The following TSHZ1 variants were observed in gnomAD, a reference collection of about 807,000 sequenced individuals.
TSHZ1 encodes the protein teashirt zinc finger homeobox 1.
In TSHZ1, 12 loss-of-function variants were observed where a neutral mutation model predicts 67.1. That is an observed-to-expected ratio of 0.18 (90% CI 0.11 to 0.29). The LOEUF (loss-of-function observed/expected upper bound fraction) is 0.29, where lower values mean the gene tolerates loss of function less well. Ranked by LOEUF, TSHZ1 falls within the 10% of genes least tolerant of loss-of-function variation. The pLI, the probability that TSHZ1 is intolerant of heterozygous loss-of-function variation, is 1.00. For missense variants in TSHZ1, 1,305 were observed against 1,413.9 expected (o/e 0.92, Z 1.23); for synonymous variants, 632 against 622.4 (o/e 1.02, Z -0.23).
intron 1 of TSHZ1, chr18:75,280,917 GC>G: frequency 1.4e-6 from 1 of 701,184 alleles, no homozygotes; most frequent in Non-Finnish European, 1.8e-6. Flanking sequence ...ATGAGGGAGG[GC>G]CCAGTAGCTC....
intron 1 of TSHZ1, among the ~76,000 whole-genome samples, chr18:75,236,568 T>G (rs1051087384): frequency 2.6e-4 from 40 of 152,096 alleles, no homozygotes; most frequent in African/African-American, 9.7e-4. Flanking sequence ...ATAATAACAA[T>G]AGCTATAACA....
chr18:75,238,525 T>A (rs2122546948), intron 1 of TSHZ1, among the ~76,000 whole-genome samples: 2 of 152,102 alleles, frequency 1.3e-5, no homozygotes, highest in Admixed American at 1.3e-4. Flanking sequence ...TGAGACTAAC[T>A]GAGAAGATCT....
intron 1 of TSHZ1, among the ~76,000 whole-genome samples, chr18:75,270,735 C>T (rs1214495560): frequency 6.6e-6 from 1 of 152,164 alleles, no homozygotes; most frequent in Non-Finnish European, 1.5e-5. Context: ...CATCAAATAT[C>T]CTTTTTTCCT....
intron 1 of TSHZ1, among the ~76,000 whole-genome samples, chr18:75,279,653 T>C (rs2023661249): frequency 6.6e-6 from 1 of 152,228 alleles, no homozygotes; most frequent in African/African-American, 2.4e-5. Context: ...TCTCTGGCAG[T>C]GCGGGGCAGG....
At chr18:75,264,388 C>T (rs947991462) in intron 1 of TSHZ1, among the ~76,000 whole-genome samples, 3 of 152,130 alleles carry the variant, frequency 2.0e-5, no homozygotes, top group Admixed American at 6.6e-5. Context: ...ATTATCTCTG[C>T]CGTTCAGATA....
intron 1 of TSHZ1, among the ~76,000 whole-genome samples, chr18:75,214,674 G>A (rs1334843426): frequency 1.3e-5 from 2 of 152,144 alleles, no homozygotes; most frequent in Admixed American, 1.3e-4. Context: ...TCACAGTGAT[G>A]AGAGAGGAAG....
intron 1 of TSHZ1, among the ~76,000 whole-genome samples, chr18:75,220,609 A>G (rs945407602): frequency 6.6e-6 from 1 of 152,246 alleles, no homozygotes; most frequent in Non-Finnish European, 1.5e-5. Flanking sequence ...CTTACAGTAA[A>G]ATAAAACTAA....
At chr18:75,279,919 A>G (rs1353770408) in intron 1 of TSHZ1, among the ~76,000 whole-genome samples, 1 of 152,236 alleles carries the variant, frequency 6.6e-6, no homozygotes, top group African/African-American at 2.4e-5. Flanking sequence ...TGGCTAGTCC[A>G]TGTTGGCTGA....
chr18:75,234,210 C>A (rs559954328), intron 1 of TSHZ1, among the ~76,000 whole-genome samples: 3 of 152,144 alleles, frequency 2.0e-5, no homozygotes, highest in Admixed American at 2.0e-4. Flanking sequence ...CAGAGAGAAA[C>A]GGGGCAGCCT....
chr18:75,228,729 G>A (rs2022957587), intron 1 of TSHZ1, among the ~76,000 whole-genome samples: 1 of 152,208 alleles, frequency 6.6e-6, no homozygotes. Flanking sequence ...TGGGTATACA[G>A]GATGGTGTAT....
intron 1 of TSHZ1, among the ~76,000 whole-genome samples, chr18:75,277,249 G>A (rs1472653775): frequency 1.3e-5 from 2 of 152,200 alleles, no homozygotes; most frequent in Admixed American, 6.5e-5. Context: ...CTTGGGCTGG[G>A]ATGGGCATAT....
In TSHZ1 at chr18:75,269,118, G is replaced by A. The variant is rs182240967; in HGVS notation, c.41-16330G>A. 5.4e-3 allele frequency among the ~76,000 whole-genome samples: 826 copies of A among 152,290 alleles called. 7 individuals are homozygous for A. Among genetic ancestry groups the A allele is most frequent in the African/African-American group, 0.019 (786 of 41,552 alleles). ...TATTTTATGCTAGAGATTGATAAAA[G>A]AAGTATTTCTGCTCTAATACAGCAG... On this transcript the variant is annotated intron_variant, in intron 1 of 1. Transcript: ENST00000580243.
At chr18:75,224,129 A>G (rs980613875) in intron 1 of TSHZ1, among the ~76,000 whole-genome samples, 1 of 151,696 alleles carries the variant, frequency 6.6e-6, no homozygotes, top group Non-Finnish European at 1.5e-5. Context: ...CCCCAAAACA[A>G]AACATAGATT....
intron 1 of TSHZ1, among the ~76,000 whole-genome samples, chr18:75,213,388 A>G (rs1322302125): frequency 1.3e-5 from 2 of 152,236 alleles, no homozygotes; most frequent in Non-Finnish European, 2.9e-5. Context: ...TAGCCCCCAA[A>G]TAATATAGCT....
At chr18:75,273,950 C>T (rs532682740) in intron 1 of TSHZ1, among the ~76,000 whole-genome samples, 13 of 152,320 alleles carry the variant, frequency 8.5e-5, no homozygotes, top group South Asian at 2.1e-4. Context: ...CACCTGTGTG[C>T]GCACACGCGT....
chr18:75,224,180 A>G (rs188766876), intron 1 of TSHZ1, among the ~76,000 whole-genome samples: 156 of 151,508 alleles, frequency 1.0e-3, no homozygotes, highest in African/African-American at 3.5e-3. Context: ...AACCTAATAG[A>G]TGTTTTACAC....
intron 1 of TSHZ1, among the ~76,000 whole-genome samples, chr18:75,246,318 C>T (rs142868706): frequency 3.3e-5 from 5 of 151,822 alleles, no homozygotes; most frequent in South Asian, 2.1e-4. Flanking sequence ...TAGTGGGAAG[C>T]GTCTCTTCTC....
chr18:75,285,979 C>G lies in TSHZ1; in HGVS notation c.572C>G (p.Thr191Ser). ...ACCAGCCACAGCAGTACCACCAGTA[C>G]CAGCAGCAGCTCCGGGTACGACTGG... is the stretch of plus-strand genomic sequence containing the variant. ...SSTSHSSTTS[T>S]SSSSGYDWHQ... Residue 191 changes from threonine to serine, a missense_variant, in exon 2 of 2, where the codon ACC becomes AGC. Transcript: ENST00000580243. 6.3e-7 allele frequency: 1 copy of G among 1,595,432 alleles called. No homozygotes were observed. Among genetic ancestry groups the G allele is most frequent in the African/African-American group, 1.3e-5 (1 of 74,184 alleles).
At chr18:75,253,349 T>G (rs2023326294) in intron 1 of TSHZ1, among the ~76,000 whole-genome samples, 1 of 152,264 alleles carries the variant, frequency 6.6e-6, no homozygotes, top group Non-Finnish European at 1.5e-5. Context: ...GGCTTTTCTA[T>G]TTTGAGAAAA....
Sources: allele counts gnomAD v4.1 joint callset (sites outside exome capture counted in the v4.1 genomes callset), GRCh38; gene constraint gnomAD v4.1.1; transcripts MANE v1.5; gene names NCBI Gene and HGNC (gene_info 2026-07-23, HGNC 2026-07-21).